RPL34: variants seen among roughly 807,000 people sequenced by gnomAD.
The protein encoded by RPL34 is ribosomal protein L34, also known as large ribosomal subunit protein eL34.
Under a neutral mutation model 16.3 loss-of-function variants are expected in RPL34, and 2 were observed. The observed-to-expected ratio is 0.12, with a 90% confidence interval of 0.05 to 0.39. RPL34 has a LOEUF of 0.39. Among genes scored for constraint, RPL34 ranks in the 10% least tolerant of loss-of-function variants. RPL34 has a pLI of 0.99. For synonymous variants in RPL34, 47 were observed against 48.5 expected (o/e 0.97, Z 0.13); for missense variants, 82 against 148.8 (o/e 0.55, Z 2.33).
At position 108,622,562 on chromosome 4, in the gene RPL34, G is replaced by A. The variant is rs936699462; in HGVS notation, c.213G>A (p.Lys71=). The change falls in exon 4 of 5, where the codon AAG becomes AAA. Residue 71 remains lysine (K), a synonymous_variant. Coordinates refer to ENST00000394667, the MANE Select transcript of RPL34 (RefSeq NM_001319236.2). ...TTCTTATGAGATTGTCCAAAACAAA[G>A]AAACATGTCAGCAGGGCCTATGGTG... ...PKVLMRLSKT[K]KHVSRAYGGS... is the part of the protein sequence containing the mutation. The A allele has an allele frequency of 1.2e-6, 2 of 1,610,536 alleles. No individual in the cohort carries two copies. Among genetic ancestry groups the A allele is most frequent in the Non-Finnish European group, 1.7e-6 (2 of 1,179,024 alleles).
downstream of RPL34, among the ~76,000 whole-genome samples, chr4:108,626,010 ACTC>A (rs781128194): frequency 7.2e-5 from 11 of 152,000 alleles, no homozygotes; most frequent in Non-Finnish European, 1.5e-4. Context: ...AGAGCTCAGA[ACTC>A]CTTATTTAAC....
intron 3 of RPL34, 80 bp from the exon 4 acceptor site, chr4:108,622,435 A>C (rs1578322038): frequency 1.9e-6 from 2 of 1,065,234 alleles, no homozygotes; most frequent in East Asian, 4.8e-5. Context: ...ACCTACTTTA[A>C]ACTTGCCCTT....
chr4:108,625,973 C>T (rs1725986712), downstream of RPL34, among the ~76,000 whole-genome samples: 1 of 152,110 alleles, frequency 6.6e-6, no homozygotes, highest in Non-Finnish European at 1.5e-5. Flanking sequence ...TCTTTTAGGT[C>T]ACTTCAGTTC....
intron 1 of RPL34, chr4:108,621,048 G>A (rs1725745792): frequency 6.6e-6 from 1 of 152,218 alleles, no homozygotes; most frequent in African/African-American, 2.4e-5. Context: ...AGAAAAATGT[G>A]TTAGAAGTTT....
At chr4:108,621,851 A>G in intron 1 of RPL34, 100 bp from the exon 2 acceptor site, 1 of 779,834 alleles carries the variant, frequency 1.3e-6, no homozygotes, top group South Asian at 1.4e-5. Flanking sequence ...TGTTACATAC[A>G]AGGATATGTA....
chr4:108,622,057 G>A, intron 2 of RPL34, 33 bp downstream of exon 2: 1 of 1,593,702 alleles, frequency 6.3e-7, no homozygotes, highest in Non-Finnish European at 8.6e-7. Context: ...AGTATATATT[G>A]TCATTTACTC....
downstream of RPL34, among the ~76,000 whole-genome samples, chr4:108,629,394 T>A (rs1035737726): frequency 6.6e-6 from 1 of 152,256 alleles, no homozygotes; most frequent in East Asian, 1.9e-4. Context: ...AGCCTTCTTA[T>A]ATATCTGATT....
rs750327571 is a variant in RPL34, at chr4:108,621,938, A to G, written c.-9-13A>G. 25 of 1,566,756 alleles carry G rather than the reference A, an allele frequency of 1.6e-5. No individual in the cohort carries two copies. The highest frequency in any genetic ancestry group is 2.2e-4 in the Middle Eastern group (1 of 4,564). On this transcript the variant is annotated splice_polypyrimidine_tract_variant and intron_variant, in intron 1 of 4. Coordinates refer to ENST00000394667, the MANE Select transcript of RPL34 (RefSeq NM_001319236.2). The stretch of plus-strand genomic sequence containing the variant: ...CAATGGAAAGATTTGATGTTACTCT[A>G]TTCTTAATTTAGGCACTCAGAATGG...
At chr4:108,630,344 T>G (rs555088277), downstream of RPL34, 1 of 152,206 alleles carries the variant, frequency 6.6e-6, no homozygotes, top group Non-Finnish European at 1.5e-5. Flanking sequence ...TAAGTACTTA[T>G]TAATACTTCG....
chr4:108,621,915 A>G lies in RPL34; in HGVS notation c.-9-36A>G, dbSNP rs76316043. The G allele has an allele frequency of 3.1e-3, 4,213 of 1,370,630 alleles. 88 individuals are homozygous for G. The African/African-American group carries it at 0.048, about 16-fold the overall frequency. 84.9% of individuals were successfully genotyped at this position (1,370,630 alleles called of 1,614,324 possible). A position where few individuals can be genotyped will look rare whatever the true frequency, so the allele number is the denominator to read the frequency against. On this transcript the variant is annotated intron_variant, in intron 1 of 4. Coordinates refer to ENST00000394667, the MANE Select transcript of RPL34 (RefSeq NM_001319236.2). ...TTTTGAGATTTTATTTACTTTTACA[A>G]TGGAAAGATTTGATGTTACTCTATT...
At chr4:108,621,733 C>A in intron 1 of RPL34, 1 of 478,822 alleles carries the variant, frequency 2.1e-6, no homozygotes. Context: ...AAGGAAGTGC[C>A]ACGTTTGATT....
chr4:108,620,622 C>T (rs1725714460), intron 1 of RPL34, 22 bp downstream of exon 1: 1 of 282,654 alleles, frequency 3.5e-6, no homozygotes, highest in Admixed American at 4.7e-5. Flanking sequence ...GTTCTCTTTT[C>T]CCTGTCTTTA....
At chr4:108,622,320 A>T in intron 3 of RPL34, 116 bp downstream of exon 3, 1 of 891,014 alleles carries the variant, frequency 1.1e-6, no homozygotes, top group East Asian at 2.5e-5. Flanking sequence ...CAGAATTACT[A>T]AACATTCATG....
chr4:108,622,120 T>C lies in RPL34; in HGVS notation c.81T>C (p.Gly27=), dbSNP rs377516242. 6.2e-7 allele frequency: 1 copy of C among 1,613,756 alleles called. No individual in the cohort carries two copies. Among genetic ancestry groups the C allele is most frequent in the Non-Finnish European group, 8.5e-7 (1 of 1,179,658 alleles). The change falls in exon 3 of 5, where the codon GGT becomes GGC. Residue 27 remains glycine, a synonymous_variant. Transcript: ENST00000394667. ...SNKTRLSRTP[G]NRIVYLYTKK... The stretch of plus-strand genomic sequence containing the variant: ...CACTTTCTAGGTCCCGAACCCCTGG[T>C]AATAGAATTGTTTACCTTTATACCA...
chr4:108,625,257 T>C lies in RPL34; in HGVS notation c.*45T>C. On this transcript the variant is annotated 3_prime_UTR_variant, in exon 5 of 5. Coordinates refer to ENST00000394667, the MANE Select transcript of RPL34 (RefSeq NM_001319236.2). ...GTAATAAAAATGAAAAGACGCTGTA[T>C]GTATGACTTTTTTTTTTTCTGTTGT... The C allele has an allele frequency of 8.2e-7, 1 of 1,216,200 alleles. No individual in the cohort carries two copies. Among genetic ancestry groups the C allele is most frequent in the Non-Finnish European group, 1.2e-6 (1 of 842,654 alleles). The allele number at this position is 1,216,200 out of a possible 1,614,324, so 75.3% of individuals were successfully genotyped here. A position where few individuals can be genotyped will look rare whatever the true frequency, so the allele number is the denominator to read the frequency against.
rs1391721954 is a variant in RPL34 at position 108,621,985 on chromosome 4, G to A, written c.26G>A (p.Arg9His). Reference sequence around the variant, plus strand: ...ATGGTCCAGCGTTTGACATACCGACGTAGGCTTTCCTACAATACAGCCTCT... The same window carrying A: ...ATGGTCCAGCGTTTGACATACCGACATAGGCTTTCCTACAATACAGCCTCT... MVQRLTYR[R>H]RLSYNTASNK... is the part of the protein sequence containing the mutation. The change falls in exon 2 of 5, where the codon CGT becomes CAT. Residue 9 changes from arginine (R) to histidine (H), a missense_variant. Physicochemically the swap from Arg to His is conservative, Grantham distance 29. Coordinates refer to ENST00000394667, the MANE Select transcript of RPL34 (RefSeq NM_001319236.2). 30 of 1,612,344 alleles carry A rather than the reference G, an allele frequency of 1.9e-5. No individual in the cohort carries two copies. Among genetic ancestry groups the A allele is most frequent in the Non-Finnish European group, 2.5e-5 (30 of 1,179,350 alleles).
In RPL34 at chr4:108,620,706, T is replaced by C. The variant is rs113965580; in HGVS notation, c.-10+106T>C. 4.9e-3 allele frequency: 950 copies of C among 195,156 alleles called. 9 individuals are homozygous for C. The highest frequency in any genetic ancestry group is 0.021 in the African/African-American group (893 of 42,802). 12.1% of individuals were successfully genotyped at this position (195,156 alleles called of 1,614,324 possible). On this transcript the variant is annotated intron_variant, in intron 1 of 4. Transcript: ENST00000394667. ...TCTCAGAAGCAGTCCTTTGAGCTGGTGTAGGGGTAAGGGGCACAACAGGGA... is the reference window on the plus strand; with the variant it reads ...TCTCAGAAGCAGTCCTTTGAGCTGGCGTAGGGGTAAGGGGCACAACAGGGA...
chr4:108,629,541 T>C (rs1375069324), downstream of RPL34, among the ~76,000 whole-genome samples: 2 of 152,232 alleles, frequency 1.3e-5, no homozygotes, highest in Non-Finnish European at 2.9e-5. Context: ...CTATAACTCT[T>C]CTGGGTTTTG....
downstream of RPL34, among the ~76,000 whole-genome samples, chr4:108,626,444 A>C (rs933689525): frequency 3.0e-5 from 4 of 134,090 alleles, no homozygotes; most frequent in Admixed American, 8.0e-5. Flanking sequence ...GTTGGCTGAC[A>C]ACCTTTTTTT....
Sources: gnomAD v4.1 joint callset for allele counts (sites outside exome capture counted in the v4.1 genomes callset) on GRCh38, gnomAD v4.1.1 for gene constraint, MANE v1.5 for transcripts, NCBI Gene and HGNC (gene_info 2026-07-23, HGNC 2026-07-21) for gene names.